Variants in ME1 observed in about 807,000 individuals in gnomAD.
ME1 encodes the protein NADP-dependent malic enzyme.
In ME1, 74 loss-of-function variants were observed where a neutral mutation model predicts 66.4. The observed-to-expected ratio is 1.11, with a 90% confidence interval of 0.92 to 1.35. The LOEUF (loss-of-function observed/expected upper bound fraction) is 1.35, where lower values mean the gene tolerates loss of function less well. Ranked by LOEUF, ME1 falls within the 40% of genes most tolerant of loss-of-function variation. The pLI, the probability that ME1 is intolerant of heterozygous loss-of-function variation, is 0.00. For missense variants in ME1, 750 were observed against 694.1 expected, an observed-to-expected ratio of 1.08 and a Z score of -0.90; for synonymous variants, 251 against 235.6, an observed-to-expected ratio of 1.07 and a Z score of -0.60.
At chr6:83,218,541 G>C (rs550447657) in intron 12 of ME1, among the ~76,000 whole-genome samples, 3 of 152,172 alleles carry the variant, frequency 2.0e-5, no homozygotes, top group Non-Finnish European at 4.4e-5. Context: ...ATGGGTACAT[G>C]AGTTTCCAAG....
At chr6:83,317,299 G>T (rs913283262) in intron 5 of ME1, among the ~76,000 whole-genome samples, 2 of 152,174 alleles carry the variant, frequency 1.3e-5, no homozygotes, top group Non-Finnish European at 2.9e-5. Flanking sequence ...CTAGACAAAA[G>T]GAACTGGTCT....
At chr6:83,312,577 T>C (rs1046683838) in intron 6 of ME1, among the ~76,000 whole-genome samples, 8 of 152,046 alleles carry the variant, frequency 5.3e-5, no homozygotes, top group African/African-American at 1.9e-4. Context: ...TTGATGGGCA[T>C]TGAAGGAGAA....
chr6:83,404,503 T>A (rs995594624), intron 2 of ME1, among the ~76,000 whole-genome samples: 4 of 152,196 alleles, frequency 2.6e-5, no homozygotes, highest in African/African-American at 9.7e-5. Context: ...TCTAAGCTCT[T>A]TGGTTCAATT....
At chr6:83,265,152 A>G (rs1766967463) in intron 6 of ME1, among the ~76,000 whole-genome samples, 1 of 152,242 alleles carries the variant, frequency 6.6e-6, no homozygotes, top group Non-Finnish European at 1.5e-5. Context: ...CAAAAAGATT[A>G]TGACTCTCTG....
At position 83,430,946 on chromosome 6, in the gene ME1, G is replaced by C. The variant is rs769615771; in HGVS notation, c.9C>G (p.Pro3=). ME[P]EAPRRRHTHQ... is the part of the protein sequence containing the mutation. ...GGGTGTGGCGGCGACGGGGGGCTTC[G>C]GGCTCCATGGCTGGCGCCGGGTTCG... The change falls in exon 1 of 14, where the codon CCC becomes CCG. Residue 3 remains proline, a synonymous_variant. Coordinates refer to ENST00000369705, the MANE Select transcript of ME1 (RefSeq NM_002395.6). 1.3e-6 allele frequency: 2 copies of C among 1,579,516 alleles called. No homozygotes were observed. Among genetic ancestry groups the C allele is most frequent in the African/African-American group, 2.8e-5 (2 of 71,538 alleles).
chr6:83,293,983 T>C (rs926811664), intron 6 of ME1, among the ~76,000 whole-genome samples: 1 of 152,250 alleles, frequency 6.6e-6, no homozygotes, highest in Non-Finnish European at 1.5e-5. Flanking sequence ...AGTTATAGTC[T>C]AATCCAGAGT....
intron 6 of ME1, among the ~76,000 whole-genome samples, chr6:83,295,164 A>G (rs1233319655): frequency 6.6e-6 from 1 of 152,234 alleles, no homozygotes; most frequent in Non-Finnish European, 1.5e-5. Flanking sequence ...ATACTTTGGT[A>G]ACATACCCCC....
intron 5 of ME1, among the ~76,000 whole-genome samples, chr6:83,320,278 A>C (rs1431664153): frequency 6.6e-6 from 1 of 152,230 alleles, no homozygotes; most frequent in Non-Finnish European, 1.5e-5. Flanking sequence ...GAATAATCTG[A>C]AGAGGAGTTT....
intron 6 of ME1, among the ~76,000 whole-genome samples, chr6:83,257,194 TA>T (rs1372002914): frequency 4.0e-5 from 6 of 150,494 alleles, no homozygotes; most frequent in Admixed American, 4.0e-4. Flanking sequence ...AGTATAATAA[TA>T]AAAAAATAAA....
At chr6:83,282,198 G>A (rs1487246392) in intron 6 of ME1, among the ~76,000 whole-genome samples, 1 of 152,132 alleles carries the variant, frequency 6.6e-6, no homozygotes, top group Non-Finnish European at 1.5e-5. Context: ...CAGGACACAG[G>A]CATAGGCAAA....
intron 1 of ME1, among the ~76,000 whole-genome samples, chr6:83,424,740 C>T (rs566913418): frequency 8.5e-5 from 13 of 152,302 alleles, no homozygotes; most frequent in African/African-American, 3.1e-4. Flanking sequence ...GCTGCCACAA[C>T]AAAGCGTCAC....
intron 5 of ME1, among the ~76,000 whole-genome samples, chr6:83,329,937 A>G (rs560623936): frequency 6.6e-6 from 1 of 152,200 alleles, no homozygotes; most frequent in East Asian, 1.9e-4. Context: ...GAATCCTCCC[A>G]CCTTGGCCTC....
intron 6 of ME1, among the ~76,000 whole-genome samples, chr6:83,269,645 T>C (rs1262265535): frequency 1.3e-5 from 2 of 152,188 alleles, no homozygotes; most frequent in Admixed American, 1.3e-4. Context: ...TTGAAATAAT[T>C]ACAGGCCTAA....
chr6:83,304,845 C>T (rs569536727), intron 6 of ME1, among the ~76,000 whole-genome samples: 1 of 152,216 alleles, frequency 6.6e-6, no homozygotes, highest in South Asian at 2.1e-4. Flanking sequence ...TTTGTTGTAG[C>T]TTTAAATAAT....
At chr6:83,248,870 C>T (rs939950185) in intron 7 of ME1, among the ~76,000 whole-genome samples, 2 of 152,140 alleles carry the variant, frequency 1.3e-5, no homozygotes, top group African/African-American at 4.8e-5. Flanking sequence ...TGAAAATAGA[C>T]TAATGCAAAT....
intron 6 of ME1, among the ~76,000 whole-genome samples, chr6:83,295,799 G>T (rs1767586570): frequency 6.6e-6 from 1 of 152,096 alleles, no homozygotes; most frequent in African/African-American, 2.4e-5. Context: ...AAAGAGGTAA[G>T]ATCCAAATAA....
At position 83,239,642 on chromosome 6, in the gene ME1, A is replaced by G. The variant is rs1313278281; in HGVS notation, c.815-6T>C. On this transcript the variant is annotated splice_region_variant and splice_polypyrimidine_tract_variant and intron_variant, in intron 7 of 13. Transcript: ENST00000369705. ...AACTGCAACAGATGCTGTTCCTGAA[A>G]CAAGTAATAAATATCCTTGAGTAAT... The G allele has an allele frequency of 2.5e-6, 4 of 1,600,172 alleles. No individual in the cohort carries two copies. The highest frequency in any genetic ancestry group is 3.4e-6 in the Non-Finnish European group (4 of 1,167,596).
chr6:83,385,146 T>C (rs1249095708), intron 3 of ME1, among the ~76,000 whole-genome samples: 1 of 151,894 alleles, frequency 6.6e-6, no homozygotes, highest in Non-Finnish European at 1.5e-5. Flanking sequence ...TCACTTTCTC[T>C]GGATATCAAT....
intron 1 of ME1, among the ~76,000 whole-genome samples, chr6:83,426,045 G>A (rs1770365809): frequency 6.6e-6 from 1 of 152,134 alleles, no homozygotes; most frequent in South Asian, 2.1e-4. Context: ...GCCCTCTCTT[G>A]CTCCTTCTCA....
Sources: gnomAD v4.1 joint callset for allele counts (sites outside exome capture counted in the v4.1 genomes callset) on GRCh38, gnomAD v4.1.1 for gene constraint, MANE v1.5 for transcripts, NCBI Gene and HGNC (gene_info 2026-07-23, HGNC 2026-07-21) for gene names.